PIGB: variants seen among roughly 807,000 people sequenced by gnomAD.
PIGB encodes the protein phosphatidylinositol glycan anchor biosynthesis class B.
In PIGB, 58 loss-of-function variants were observed where a neutral mutation model predicts 68.4. The observed-to-expected ratio is 0.85, with a 90% CI of 0.69 to 1.06. PIGB has a LOEUF of 1.06. PIGB is among the 50% of genes least tolerant of loss of function. The pLI is 0.00. For synonymous variants in PIGB, 219 were observed against 220.5 expected, an observed-to-expected ratio of 0.99 and a Z score of 0.06; for missense variants, 634 against 655.8, an observed-to-expected ratio of 0.97 and a Z score of 0.36.
intron 9 of PIGB, chr15:55,343,552 T>TTG (rs2055721221): frequency 6.6e-6 from 1 of 152,222 alleles, no homozygotes; most frequent in Non-Finnish European, 1.5e-5. Flanking sequence ...TACCAAGTAT[T>TTG]TACACAAAGA....
Position 55,320,051 on chromosome 15 carries a change from A to C in PIGB, c.164-224A>C, listed in dbSNP as rs977848817. The C allele has an allele frequency of 5.2e-5, 20 of 383,186 alleles. 1 individual carries two copies. Among genetic ancestry groups the C allele is most frequent in the Admixed American group, 4.6e-4 (11 of 23,832 alleles). The allele number at this position is 383,186 out of a possible 1,614,324, so 23.7% of individuals were successfully genotyped here. A position where few individuals can be genotyped will look rare whatever the true frequency, so the allele number is the denominator to read the frequency against. ...TTTATTTTAATATTATCTTTACACAATAAGTTGCAAGAAAAGTTGGTTAAA... is the reference window on the plus strand; with the variant it reads ...TTTATTTTAATATTATCTTTACACACTAAGTTGCAAGAAAAGTTGGTTAAA... On this transcript the variant is annotated intron_variant, in intron 1 of 11. Transcript: ENST00000164305.
At chr15:55,329,942 C>T in intron 5 of PIGB, 88 bp downstream of exon 5, 1 of 908,240 alleles carries the variant, frequency 1.1e-6, no homozygotes, top group Non-Finnish European at 1.6e-6. Context: ...CTAGTAGACC[C>T]CCTAATTTTC....
At position 55,327,626 on chromosome 15, in the gene PIGB, A is replaced by C; in HGVS notation, c.513A>C (p.Ala171=). The part of the protein sequence containing the change: ...LMKQLENQEV[A]RWVFFCQLCS... ...AGCAACTAGAAAATCAGGAAGTGGC[A>C]AGATGGGTGGTAAGTCCTAAATACT... Residue 171 remains alanine (A), a synonymous_variant, in exon 4 of 12, where the codon GCA becomes GCC. Coordinates refer to ENST00000164305, the MANE Select transcript of PIGB (RefSeq NM_004855.5). 1 of 1,596,598 alleles carries C rather than the reference A, an allele frequency of 6.3e-7. No individual in the cohort carries two copies. Among genetic ancestry groups the C allele is most frequent in the South Asian group, 1.1e-5 (1 of 90,134 alleles).
At chr15:55,352,581 G>A (rs1485791258) in intron 10 of PIGB, among the ~76,000 whole-genome samples, 3 of 152,110 alleles carry the variant, frequency 2.0e-5, no homozygotes, top group Non-Finnish European at 4.4e-5. Flanking sequence ...GAGCTCAGGA[G>A]TTTGAGACTA....
chr15:55,354,872 A>G lies in PIGB; in HGVS notation c.1412A>G (p.Asp471Gly). The change falls in exon 11 of 12, where the codon GAT becomes GGT. Residue 471 changes from aspartate (D) to glycine (G), a missense_variant. Transcript: ENST00000164305. ...CTGACTGGAAAAAGTCATTATCTTG[A>G]TGAAGCAGATGTATTTTACCTAAAT... is the stretch of plus-strand genomic sequence containing the variant. ...PDLTGKSHYLDEADVFYLNPL... is the reference protein window; with the variant it reads ...PDLTGKSHYLGEADVFYLNPL... 1 of 1,613,746 alleles carries G rather than the reference A, an allele frequency of 6.2e-7. No individual in the cohort carries two copies. Among genetic ancestry groups the G allele is most frequent in the Non-Finnish European group, 8.5e-7 (1 of 1,179,748 alleles).
chr15:55,355,376 A>T lies in PIGB; in HGVS notation c.1609A>T (p.Ile537Leu), dbSNP rs371775367. ...HLPEGRIGSH[I>L]YVYERKLKGK... ...GCCAGAGGGTCGAATTGGAAGTCAC[A>T]TATATGTCTATGAACGGAAGTTAAA... The change falls in exon 12 of 12, where the codon ATA becomes TTA. Residue 537 changes from isoleucine (I) to leucine (L), a missense_variant. Transcript: ENST00000164305. 39 of 1,611,628 alleles carry T rather than the reference A, an allele frequency of 2.4e-5. No individual in the cohort carries two copies. The highest frequency in any genetic ancestry group is 3.3e-5 in the Non-Finnish European group (39 of 1,178,142).
rs757546160 is a variant in PIGB, at chr15:55,321,269, C to G, written c.300-4C>G. On this transcript the variant is annotated splice_region_variant and splice_polypyrimidine_tract_variant and intron_variant, in intron 2 of 11. Transcript: ENST00000164305. Reference sequence around the variant, plus strand: ...ATTGGACATTTACTCCTTAATGTTACTAATTATGGTTATTTGACTTGGGAA... The same window carrying G: ...ATTGGACATTTACTCCTTAATGTTAGTAATTATGGTTATTTGACTTGGGAA... 19 of 1,586,120 alleles carry G rather than the reference C, an allele frequency of 1.2e-5. No homozygotes were observed. The highest frequency in any genetic ancestry group is 1.5e-5 in the Non-Finnish European group (18 of 1,165,550).
In PIGB at chr15:55,319,309, C is replaced by G; in HGVS notation, c.59C>G (p.Thr20Ser). The G allele has an allele frequency of 6.2e-7, 1 of 1,602,288 alleles. No individual in the cohort carries two copies. Among genetic ancestry groups the G allele is most frequent in the Non-Finnish European group, 8.5e-7 (1 of 1,174,928 alleles). The change falls in exon 1 of 12, where the codon ACT (threonine) becomes AGT (serine). Residue 20 changes from threonine to serine, a missense_variant. Transcript: ENST00000164305. Reference protein sequence around the residue: ...MEPGGGDASLTLHGLQNRSHG... With the variant: ...MEPGGGDASLSLHGLQNRSHG... ...CCGGGGGGCGGAGATGCCAGCCTCA[C>G]TTTGCATGGTCTCCAGAACCGCTCC...
At chr15:55,339,202 A>G in intron 6 of PIGB, 65 bp from the exon 7 acceptor site, 1 of 1,143,774 alleles carries the variant, frequency 8.7e-7, no homozygotes, top group Non-Finnish European at 1.3e-6. Flanking sequence ...GTACAAAGCC[A>G]TATGCTAATA....
intron 1 of PIGB, 29 bp from the exon 2 acceptor site, chr15:55,320,246 A>T (rs2055131908): frequency 6.2e-7 from 1 of 1,602,238 alleles, no homozygotes. Flanking sequence ...CTTTTGTGCC[A>T]CTATTACCTG....
At chr15:55,344,068 T>C (rs1293059576) in intron 9 of PIGB, among the ~76,000 whole-genome samples, 2 of 152,250 alleles carry the variant, frequency 1.3e-5, no homozygotes, top group Admixed American at 6.5e-5. Flanking sequence ...CTGCTTTGTG[T>C]GACTTGTTTT....
chr15:55,340,451 A>G (rs1307846281), intron 7 of PIGB, 161 bp from the exon 8 acceptor site: 2 of 397,436 alleles, frequency 5.0e-6, no homozygotes, highest in Non-Finnish European at 8.4e-6. Flanking sequence ...GCAAGACTCC[A>G]TCTTAAAAAA....
chr15:55,339,285 G>T lies in PIGB; in HGVS notation c.813G>T (p.Leu271Phe). The T allele has an allele frequency of 6.4e-7, 1 of 1,552,670 alleles. No homozygotes were observed. The highest frequency in any genetic ancestry group is 8.7e-7 in the Non-Finnish European group (1 of 1,147,350). Residue 271 changes from leucine (L) to phenylalanine (F), a missense_variant, in exon 7 of 12, where the codon TTG (leucine) becomes TTT (phenylalanine). Leu to Phe is a conservative substitution (Grantham distance 22, BLOSUM62 0). Transcript: ENST00000164305. ...TTTTCAGCTTTGTTACTTTGAGTTTGTCTCTGATGATTGATCGTATTTTTT... is the reference window on the plus strand; with the variant it reads ...TTTTCAGCTTTGTTACTTTGAGTTTTTCTCTGATGATTGATCGTATTTTTT... ...FLPVGFVTLS[L>F]SLMIDRIFFG...
intron 10 of PIGB, among the ~76,000 whole-genome samples, 190 bp downstream of exon 10, chr15:55,351,102 CTTTT>C (rs1296091523): frequency 7.2e-6 from 1 of 138,464 alleles, no homozygotes; most frequent in Non-Finnish European, 1.5e-5. Context: ...TTTAAATAAA[CTTTT>C]TTTCTTTTTT....
At chr15:55,326,500 C>T (rs1595772648) in intron 3 of PIGB, among the ~76,000 whole-genome samples, 3 of 152,242 alleles carry the variant, frequency 2.0e-5, no homozygotes, top group East Asian at 3.9e-4. Flanking sequence ...TAGCATGATA[C>T]ATAGTACACA....
rs1341232935 is a variant in PIGB at position 55,339,314 on chromosome 15, G to A, written c.842G>A (p.Gly281Asp). The change falls in exon 7 of 12, where the codon GGC becomes GAC. Residue 281 changes from glycine (G) to aspartate (D), a missense_variant. By Grantham distance (94) the Gly-to-Asp change is moderately conservative (BLOSUM62 -1). Coordinates refer to ENST00000164305, the MANE Select transcript of PIGB (RefSeq NM_004855.5). ...LSLMIDRIFF[G>D]QWTLVQFNFL... is the part of the protein sequence containing the mutation. ...CTGATGATTGATCGTATTTTTTTTG[G>A]CCAAGTAAGTAAAAGTATATTAAGC... 1.9e-6 allele frequency: 3 copies of A among 1,548,420 alleles called. No homozygotes were observed. Among genetic ancestry groups the A allele is most frequent in the Non-Finnish European group, 2.6e-6 (3 of 1,143,566 alleles).
chr15:55,331,382 C>T (rs1002619114), intron 5 of PIGB, among the ~76,000 whole-genome samples: 1 of 152,070 alleles, frequency 6.6e-6, no homozygotes, highest in African/African-American at 2.4e-5. Flanking sequence ...CTATTCCAGA[C>T]CTGACAATAA....
At chr15:55,348,839 A>G (rs2439048) in intron 9 of PIGB, among the ~76,000 whole-genome samples, 77,033 of 152,184 alleles carry the variant, frequency 0.51, 22,476 homozygotes, top group African/African-American at 0.8. Context: ...GCCTACTAAA[A>G]TAGATGTTGT....
chr15:55,333,063 T>C (rs1449614033), intron 5 of PIGB, among the ~76,000 whole-genome samples: 1 of 152,204 alleles, frequency 6.6e-6, no homozygotes, highest in East Asian at 1.9e-4. Context: ...TATGACTTTC[T>C]TATAGCTCCT....
Sources: gnomAD v4.1 joint callset for allele counts (sites outside exome capture counted in the v4.1 genomes callset) on GRCh38, gnomAD v4.1.1 for gene constraint, MANE v1.5 for transcripts, NCBI Gene and HGNC (gene_info 2026-07-23, HGNC 2026-07-21) for gene names.